Variants in TSPAN18 observed in about 807,000 individuals in gnomAD.
TSPAN18 encodes the protein tetraspanin 18.
Under a neutral mutation model 27.3 loss-of-function variants are expected in TSPAN18, and 14 were observed. The observed-to-expected ratio is 0.51, with a 90% CI of 0.34 to 0.80. The LOEUF (loss-of-function observed/expected upper bound fraction) is 0.80. TSPAN18 is among the 30% of genes least tolerant of loss of function. TSPAN18 has a pLI of 0.01. For synonymous variants in TSPAN18, 143 were observed against 136.5 expected, an observed-to-expected ratio of 1.05 and a Z score of -0.33; for missense variants, 268 against 323.9, an observed-to-expected ratio of 0.83 and a Z score of 1.32.
chr11:44,750,738 C>A (rs1855191088), intron 1 of TSPAN18, among the ~76,000 whole-genome samples: 1 of 152,174 alleles, frequency 6.6e-6, no homozygotes, highest in South Asian at 2.1e-4. Flanking sequence ...GGGCTCTATG[C>A]CAGCTGCATG....
chr11:44,804,113 T>TC (rs905625763), intron 2 of TSPAN18, among the ~76,000 whole-genome samples: 11 of 149,066 alleles, frequency 7.4e-5, no homozygotes, highest in African/African-American at 1.2e-4. Context: ...CTTTTTTTTT[T>TC]CCCCCCAGAG....
intron 2 of TSPAN18, among the ~76,000 whole-genome samples, chr11:44,775,052 A>G (rs59878907): frequency 6.6e-6 from 1 of 152,074 alleles, no homozygotes; most frequent in Non-Finnish European, 1.5e-5. Flanking sequence ...ACAGGGCTGG[A>G]GGGCCCCTAC....
Position 44,909,919 on chromosome 11 carries a change from C to T in TSPAN18, c.258+20C>T, listed in dbSNP as rs750366377. On this transcript the variant is annotated intron_variant, in intron 5 of 9. Coordinates refer to ENST00000520358, the MANE Select transcript of TSPAN18 (RefSeq NM_130783.5). Reference sequence around the variant, plus strand: ...CTATTTGTGAGTACCCCAGCCCCCACCCCATCCATGGGTGCTCTGAGGGGT... The same window carrying T: ...CTATTTGTGAGTACCCCAGCCCCCATCCCATCCATGGGTGCTCTGAGGGGT... The T allele has an allele frequency of 3.8e-6, 6 of 1,599,632 alleles. No homozygotes were observed. The highest frequency in any genetic ancestry group is 5.1e-6 in the Non-Finnish European group (6 of 1,171,462).
intron 2 of TSPAN18, among the ~76,000 whole-genome samples, chr11:44,801,028 T>C (rs1467690792): frequency 6.6e-6 from 1 of 152,226 alleles, no homozygotes; most frequent in African/African-American, 2.4e-5. Context: ...TGAAGCTTTT[T>C]AAACTGTACA....
chr11:44,738,992 TCTC>T (rs549618628), intron 1 of TSPAN18, among the ~76,000 whole-genome samples: 189 of 152,286 alleles, frequency 1.2e-3, no homozygotes, highest in African/African-American at 4.3e-3. Context: ...TCCTGGCTCT[TCTC>T]CTCTGCAGAT....
intron 2 of TSPAN18, among the ~76,000 whole-genome samples, chr11:44,783,884 A>T (rs555760792): frequency 1.3e-5 from 2 of 152,180 alleles, no homozygotes; most frequent in African/African-American, 4.8e-5. Context: ...TCTGGAACAT[A>T]CTTTTCCTGG....
chr11:44,805,763 C>T (rs1005970576), intron 2 of TSPAN18, among the ~76,000 whole-genome samples: 2 of 152,306 alleles, frequency 1.3e-5, no homozygotes, highest in South Asian at 2.1e-4. Flanking sequence ...AGGGAAGAAT[C>T]TCTCCTCACC....
In TSPAN18 at chr11:44,870,268, G is replaced by A. The variant is rs143226484; in HGVS notation, c.-11+9799G>A. Among the ~76,000 whole-genome samples, 562 of 152,090 alleles carry A rather than the reference G, an allele frequency of 3.7e-3. 4 individuals are homozygous for A. The highest frequency in any genetic ancestry group is 0.013 in the African/African-American group (536 of 41,490). On this transcript the variant is annotated intron_variant, in intron 3 of 9. Transcript: ENST00000520358. The stretch of plus-strand genomic sequence containing the variant: ...CAGTCCCTGTTCCCACCCCAGCCCC[G>A]GGCCACCACCAGTCTACTCTGTGTA...
chr11:44,735,940 A>G (rs535207489), intron 1 of TSPAN18, among the ~76,000 whole-genome samples: 2 of 152,258 alleles, frequency 1.3e-5, no homozygotes, highest in East Asian at 3.9e-4. Context: ...TAACCTGATT[A>G]TATCTGCGAA....
Position 44,805,936 on chromosome 11 carries a change from A to G in TSPAN18, c.-153+41424A>G, listed in dbSNP as rs111970377. The stretch of plus-strand genomic sequence containing the variant: ...TGAATTTAGTACCTACTCTAATCCA[A>G]TATGACCTCAACCTCATTAATGACC... On this transcript the variant is annotated intron_variant, in intron 2 of 9. Transcript: ENST00000520358. Among the ~76,000 whole-genome samples, 7 of 152,274 alleles carry G rather than the reference A, an allele frequency of 4.6e-5. 1 individual carries two copies. The highest frequency in any genetic ancestry group is 1.2e-4 in the African/African-American group (5 of 41,566).
At chr11:44,812,376 C>T (rs1488170026) in intron 2 of TSPAN18, among the ~76,000 whole-genome samples, 1 of 152,126 alleles carries the variant, frequency 6.6e-6, no homozygotes, top group East Asian at 1.9e-4. Flanking sequence ...GTTACTATGC[C>T]CTTTCCCTCC....
Position 44,788,821 on chromosome 11 carries a change from G to A in TSPAN18, c.-153+24309G>A, listed in dbSNP as rs192129612. Among the ~76,000 whole-genome samples the A allele has an allele frequency of 2.6e-3, 392 of 152,302 alleles. 6 individuals are homozygous for A. The highest frequency in any genetic ancestry group is 0.01 in the Middle Eastern group (3 of 294). ...CCTTGCTGGTGGCTTTGTTTCTCCTGTACCTGAAGATTAAGAGGAGGTCAT... is the reference window on the plus strand; with the variant it reads ...CCTTGCTGGTGGCTTTGTTTCTCCTATACCTGAAGATTAAGAGGAGGTCAT... On this transcript the variant is annotated intron_variant, in intron 2 of 9. Transcript: ENST00000520358.
chr11:44,792,216 C>CG (rs1382212734), intron 2 of TSPAN18, among the ~76,000 whole-genome samples: 3 of 151,896 alleles, frequency 2.0e-5, no homozygotes, highest in Admixed American at 2.0e-4. Context: ...TGAGTGATGC[C>CG]GGGGGAAGCT....
Position 44,931,241 on chromosome 11 carries a change from C to T in TSPAN18, c.*2063C>T. ...ACTGGTACCGCGGCCCAGCCTGGGG[C>T]CTGGGGGCTGCCCCTCTTGAACCAC... On this transcript the variant is annotated 3_prime_UTR_variant, in exon 10 of 10. Coordinates refer to ENST00000520358, the MANE Select transcript of TSPAN18 (RefSeq NM_130783.5). The T allele has an allele frequency of 3.4e-6, 1 of 296,174 alleles. No individual in the cohort carries two copies. Among genetic ancestry groups the T allele is most frequent in the Non-Finnish European group, 6.7e-6 (1 of 149,220 alleles). 18.3% of individuals were successfully genotyped at this position (296,174 alleles called of 1,614,324 possible).
intron 2 of TSPAN18, among the ~76,000 whole-genome samples, chr11:44,835,451 T>C (rs1042506670): frequency 6.6e-6 from 1 of 152,172 alleles, no homozygotes; most frequent in Non-Finnish European, 1.5e-5. Flanking sequence ...TCGTATTTCC[T>C]GAGAATCCTT....
At chr11:44,844,597 C>T (rs1000100279) in intron 2 of TSPAN18, among the ~76,000 whole-genome samples, 1 of 152,140 alleles carries the variant, frequency 6.6e-6, no homozygotes, top group Admixed American at 6.5e-5. Context: ...ATGCTGAGCA[C>T]CTTTCTATAT....
chr11:44,841,655 G>A (rs1857376782), intron 2 of TSPAN18, among the ~76,000 whole-genome samples: 1 of 152,194 alleles, frequency 6.6e-6, no homozygotes, highest in African/African-American at 2.4e-5. Flanking sequence ...CCCTAAAGCA[G>A]GTGAAGCTGA....
intron 2 of TSPAN18, among the ~76,000 whole-genome samples, chr11:44,852,408 C>T (rs1857628584): frequency 2.6e-5 from 4 of 152,202 alleles, no homozygotes; most frequent in African/African-American, 9.6e-5. Flanking sequence ...AGTCACACAG[C>T]TGGTCAGAAG....
intron 3 of TSPAN18, among the ~76,000 whole-genome samples, chr11:44,894,812 A>G (rs1023414517): frequency 1.3e-5 from 2 of 152,190 alleles, no homozygotes; most frequent in African/African-American, 4.8e-5. Flanking sequence ...TGGTTCAGGG[A>G]AGAGCAGCAC....
Sources: allele counts gnomAD v4.1 joint callset (sites outside exome capture counted in the v4.1 genomes callset), GRCh38; gene constraint gnomAD v4.1.1; transcripts MANE v1.5; gene names NCBI Gene and HGNC (gene_info 2026-07-23, HGNC 2026-07-21).